The following AFF3 variants were observed in gnomAD, a reference collection of about 807,000 sequenced individuals.
AFF3 encodes ALF transcription elongation factor 3, also known as AF4/FMR2 family member 3.
In AFF3, 32 loss-of-function variants were observed where a neutral mutation model predicts 129.7. The observed-to-expected ratio is 0.25, with a 90% CI of 0.19 to 0.33. The LOEUF is 0.33. AFF3 is among the 10% of genes least tolerant of loss of function. The pLI is 1.00. For synonymous variants in AFF3, 644 were observed against 635.4 expected (o/e 1.01, Z -0.20); for missense variants, 1,373 against 1,592.0 (o/e 0.86, Z 2.34).
intron 19 of AFF3, among the ~76,000 whole-genome samples, chr2:99,567,784 A>G (rs1020642356): frequency 2.0e-5 from 3 of 152,180 alleles, no homozygotes; most frequent in African/African-American, 7.2e-5. Flanking sequence ...CAGGAAAGAT[A>G]GGGTTGGGCA....
At chr2:99,874,558 G>C (rs1007402623) in intron 7 of AFF3, among the ~76,000 whole-genome samples, 2 of 152,136 alleles carry the variant, frequency 1.3e-5, no homozygotes, top group Non-Finnish European at 2.9e-5. Context: ...AATTAAAGCA[G>C]ATGTGGATAT....
At chr2:99,611,406 C>G (rs1680907882) in intron 13 of AFF3, among the ~76,000 whole-genome samples, 1 of 151,984 alleles carries the variant, frequency 6.6e-6, no homozygotes, top group Non-Finnish European at 1.5e-5. Context: ...ATTATAATAC[C>G]TTGATTTTTA....
intron 18 of AFF3, among the ~76,000 whole-genome samples, chr2:99,571,747 G>T (rs1676494745): frequency 6.6e-6 from 1 of 152,154 alleles, no homozygotes; most frequent in Admixed American, 6.5e-5. Context: ...CTCCTTTCGA[G>T]TGATTTCTAG....
chr2:99,998,570 C>T lies in AFF3; in HGVS notation c.873+8062G>A, dbSNP rs139759572. 3.3e-5 allele frequency among the ~76,000 whole-genome samples: 5 copies of T among 152,290 alleles called. 1 individual carries two copies. Among genetic ancestry groups the T allele is most frequent in the African/African-American group, 1.2e-4 (5 of 41,578 alleles). ...CTGAATGCATACATTTTTCTATTTT[C>T]TGCTGTTAATCCTTTTGTTACACAC... is the stretch of plus-strand genomic sequence containing the variant. On this transcript the variant is annotated intron_variant, in intron 7 of 24. Coordinates refer to ENST00000672756, the MANE Select transcript of AFF3 (RefSeq NM_001386135.1).
At chr2:99,916,648 C>G (rs965631852) in intron 7 of AFF3, among the ~76,000 whole-genome samples, 1 of 152,116 alleles carries the variant, frequency 6.6e-6, no homozygotes, top group Non-Finnish European at 1.5e-5. Context: ...ACAGTACAAC[C>G]ACAGTCAAGA....
chr2:100,084,103 T>C (rs1312188614), intron 4 of AFF3, among the ~76,000 whole-genome samples: 2 of 152,228 alleles, frequency 1.3e-5, no homozygotes, highest in Non-Finnish European at 2.9e-5. Context: ...TTGATGCCTT[T>C]GGGCATATAC....
intron 11 of AFF3, among the ~76,000 whole-genome samples, chr2:99,699,601 G>A (rs1373137022): frequency 3.9e-5 from 5 of 127,828 alleles, no homozygotes; most frequent in African/African-American, 1.4e-4. Context: ...TCAGACGGTA[G>A]TGCCCACAGA....
At chr2:100,101,253 TTTTCCC>T (rs1690703027) in intron 4 of AFF3, among the ~76,000 whole-genome samples, 1 of 152,184 alleles carries the variant, frequency 6.6e-6, no homozygotes, top group Admixed American at 6.5e-5. Context: ...AGAACTGAGC[TTTTCCC>T]TTTTTATTTT....
At chr2:99,856,374 A>G (rs1690529618) in intron 7 of AFF3, among the ~76,000 whole-genome samples, 1 of 152,178 alleles carries the variant, frequency 6.6e-6, no homozygotes, top group Non-Finnish European at 1.5e-5. Flanking sequence ...ATATGAACTC[A>G]CATGGGGAGA....
chr2:99,672,175 T>TACACACACACACACACACACACAC (rs1558728727), intron 12 of AFF3, among the ~76,000 whole-genome samples: 1 of 139,512 alleles, frequency 7.2e-6, no homozygotes, highest in Admixed American at 7.2e-5. Context: ...GCCAGTTAGC[T>TACACACACACACACACACACACAC]TCTCACACAC....
intron 8 of AFF3, among the ~76,000 whole-genome samples, chr2:99,807,028 C>T (rs867013964): frequency 2.6e-5 from 4 of 152,288 alleles, no homozygotes; most frequent in Non-Finnish European, 4.4e-5. Context: ...GCATGGCATT[C>T]GTCTCAGCCT....
intron 1 of AFF3, among the ~76,000 whole-genome samples, chr2:100,134,406 C>A (rs1469896110): frequency 6.6e-6 from 1 of 152,130 alleles, no homozygotes; most frequent in Non-Finnish European, 1.5e-5. Flanking sequence ...TTTGACAGAG[C>A]TCCTTATATA....
At chr2:99,615,883 T>C (rs1465218435) in intron 13 of AFF3, among the ~76,000 whole-genome samples, 1 of 152,242 alleles carries the variant, frequency 6.6e-6, no homozygotes, top group Non-Finnish European at 1.5e-5. Flanking sequence ...TCCCTGCCAC[T>C]GCAGCTGCTG....
At chr2:99,957,149 G>A (rs974216955) in intron 7 of AFF3, among the ~76,000 whole-genome samples, 1 of 90,756 alleles carries the variant, frequency 1.1e-5, no homozygotes, top group Non-Finnish European at 2.0e-5. Flanking sequence ...GGACATACGT[G>A]TGTGTGTGTG....
At chr2:99,776,003 C>A (rs1683875618) in intron 8 of AFF3, among the ~76,000 whole-genome samples, 1 of 152,136 alleles carries the variant, frequency 6.6e-6, no homozygotes, top group Admixed American at 6.5e-5. Context: ...AAACCCGATG[C>A]TTTAAAAATA....
intron 2 of AFF3, among the ~76,000 whole-genome samples, chr2:100,128,642 A>G (rs1314671080): frequency 1.2e-4 from 18 of 152,200 alleles, no homozygotes; most frequent in Admixed American, 1.1e-3. Context: ...GGTCAACCCC[A>G]TAGCCTTAGA....
chr2:99,852,499 G>A (rs1408843548), intron 7 of AFF3, among the ~76,000 whole-genome samples: 1 of 152,152 alleles, frequency 6.6e-6, no homozygotes, highest in Admixed American at 6.6e-5. Flanking sequence ...GCCTGTGCAA[G>A]AATTCTAGTT....
chr2:100,042,107 G>A (rs1474058324), intron 4 of AFF3, among the ~76,000 whole-genome samples: 1 of 151,866 alleles, frequency 6.6e-6, no homozygotes, highest in African/African-American at 2.4e-5. Flanking sequence ...ATTCTGCCCT[G>A]CCACACTGGC....
chr2:99,645,928 C>T (rs1029841139), intron 13 of AFF3, among the ~76,000 whole-genome samples: 15 of 152,274 alleles, frequency 9.9e-5, no homozygotes, highest in Middle Eastern at 3.4e-3. Flanking sequence ...TGGACATTCT[C>T]TAACCTCCAA....
Sources: allele counts gnomAD v4.1 joint callset (sites outside exome capture counted in the v4.1 genomes callset), GRCh38; gene constraint gnomAD v4.1.1; transcripts MANE v1.5; gene names NCBI Gene and HGNC (gene_info 2026-07-23, HGNC 2026-07-21).